SLC38A10: variants seen among roughly 807,000 people sequenced by gnomAD.
The protein encoded by SLC38A10 is solute carrier family 38 member 10.
SLC38A10 carries 53 observed loss-of-function variants against 81.0 expected under a neutral mutation model. The observed-to-expected ratio is 0.65, with a 90% confidence interval of 0.53 to 0.82. The LOEUF is 0.82. Ranked by LOEUF, SLC38A10 falls within the 40% of genes least tolerant of loss-of-function variation. The pLI, the probability that SLC38A10 is intolerant of heterozygous loss-of-function variation, is 0.00. For synonymous variants in SLC38A10, 665 were observed against 655.3 expected, an observed-to-expected ratio of 1.01 and a Z score of -0.23; for missense variants, 1,471 against 1,545.0, an observed-to-expected ratio of 0.95 and a Z score of 0.80.
chr17:81,261,622 CA>C (rs1452720551), intron 10 of SLC38A10, among the ~76,000 whole-genome samples: 1 of 152,264 alleles, frequency 6.6e-6, no homozygotes, highest in Non-Finnish European at 1.5e-5. Flanking sequence ...CTGAAAAAGA[CA>C]ACCTAGTGGA....
Position 81,246,806 on chromosome 17 carries a change from G to C in SLC38A10, c.2242+79C>G, listed in dbSNP as rs545572967. 188 of 1,512,318 alleles carry C rather than the reference G, an allele frequency of 1.2e-4. 2 individuals carry two copies. In the South Asian group the frequency reaches 1.9e-3, roughly 15 times the overall value. 93.7% of individuals were successfully genotyped at this position (1,512,318 alleles called of 1,614,324 possible). ...CACGCTCAGGTCTAGAGGCCACCGAGCCTCAGACCCAGCCGCATGAGGACA... is the reference window on the plus strand; with the variant it reads ...CACGCTCAGGTCTAGAGGCCACCGACCCTCAGACCCAGCCGCATGAGGACA... On this transcript the variant is annotated intron_variant, in intron 15 of 15. Coordinates refer to ENST00000374759, the MANE Select transcript of SLC38A10 (RefSeq NM_001037984.3).
At chr17:81,272,684 T>C in intron 8 of SLC38A10, 57 bp from the exon 9 acceptor site, 1 of 1,304,790 alleles carries the variant, frequency 7.7e-7, no homozygotes, top group South Asian at 1.5e-5. Context: ...ACCACTCTCC[T>C]AGAAAGCAAA....
Position 81,276,803 on chromosome 17 carries a change from G to C in SLC38A10, c.729+228C>G, listed in dbSNP as rs1319931397. Among the ~76,000 whole-genome samples the C allele has an allele frequency of 6.6e-6, 1 of 152,260 alleles. No homozygotes were observed. Among genetic ancestry groups the C allele is most frequent in the African/African-American group, 2.4e-5 (1 of 41,474 alleles). On this transcript the variant is annotated intron_variant, in intron 7 of 15. Transcript: ENST00000374759. This position sits in a 1 kb window ranked among gnomAD's most constrained non-coding sequence, Gnocchi z 4.7. Reference sequence around the variant, plus strand: ...GTGCCCAGCTCCTCAGGTCAGGAGAGCTTCCTGGCCCAGGGTGGACCCAGG... The same window carrying C: ...GTGCCCAGCTCCTCAGGTCAGGAGACCTTCCTGGCCCAGGGTGGACCCAGG...
rs2063219341 is a variant in SLC38A10 at position 81,282,225 on chromosome 17, G to A, written c.465C>T (p.Ala155=). The change falls in exon 5 of 16, where the codon GCC becomes GCT. Residue 155 remains alanine (A), a synonymous_variant. Transcript: ENST00000374759. ...NMMASIQSFS[A]MALLFYTVFM... ...ACACGGTGTAGAAGAGGAGGGCCAT[G>A]GCGCTGAAGGACTGGATGGAGGCCA... 1.9e-6 allele frequency: 3 copies of A among 1,613,752 alleles called. No individual in the cohort carries two copies. The highest frequency in any genetic ancestry group is 1.6e-4 in the Middle Eastern group (1 of 6,062).
At position 81,271,042 on chromosome 17, in the gene SLC38A10, C is replaced by T. The variant is rs1276904210; in HGVS notation, c.1025-18G>A. ...GGTCTCCACTAGGATGGAGAAGTGA[C>T]AGGAAGGGATGAGTGGGGAAGGGCT... is the stretch of plus-strand genomic sequence containing the variant. On this transcript the variant is annotated intron_variant, in intron 9 of 15. Coordinates refer to ENST00000374759, the MANE Select transcript of SLC38A10 (RefSeq NM_001037984.3). The T allele has an allele frequency of 1.9e-6, 3 of 1,601,254 alleles. No individual in the cohort carries two copies. The highest frequency in any genetic ancestry group is 1.7e-6 in the Non-Finnish European group (2 of 1,172,220).
chr17:81,248,303 G>A (rs2062873464), intron 14 of SLC38A10, among the ~76,000 whole-genome samples: 2 of 152,158 alleles, frequency 1.3e-5, no homozygotes, highest in Admixed American at 1.3e-4. Context: ...CGTCAGTGAG[G>A]CCCCCGCCAG....
intron 6 of SLC38A10, among the ~76,000 whole-genome samples, chr17:81,279,151 C>G (rs926509801): frequency 6.6e-6 from 1 of 152,212 alleles, no homozygotes; most frequent in South Asian, 2.1e-4. Context: ...TGCCCCTCTG[C>G]CCTACTGTGA....
chr17:81,282,228 G>A lies in SLC38A10; in HGVS notation c.462C>T (p.Ser154=), dbSNP rs1396884648. 9.9e-6 allele frequency: 16 copies of A among 1,613,608 alleles called. No individual in the cohort carries two copies. Among genetic ancestry groups the A allele is most frequent in the Admixed American group, 6.7e-5 (4 of 60,008 alleles). ...CGGTGTAGAAGAGGAGGGCCATGGCGCTGAAGGACTGGATGGAGGCCATCA... is the reference window on the plus strand; with the variant it reads ...CGGTGTAGAAGAGGAGGGCCATGGCACTGAAGGACTGGATGGAGGCCATCA... The part of the protein sequence containing the change: ...RNMMASIQSF[S]AMALLFYTVF... Residue 154 remains serine (S), a synonymous_variant, in exon 5 of 16, where the codon AGC becomes AGT. Coordinates refer to ENST00000374759, the MANE Select transcript of SLC38A10 (RefSeq NM_001037984.3).
In SLC38A10 at chr17:81,260,345, G is replaced by A; in HGVS notation, c.1181C>T (p.Thr394Ile). 6.2e-7 allele frequency: 1 copy of A among 1,610,906 alleles called. No individual in the cohort carries two copies. The highest frequency in any genetic ancestry group is 8.5e-7 in the Non-Finnish European group (1 of 1,179,188). Residue 394 changes from threonine (T) to isoleucine (I), a missense_variant, in exon 11 of 16, where the codon ACA (threonine) becomes ATA (isoleucine). Transcript: ENST00000374759. ...GGGGACCTCCTCGCTCACAGACAGT[G>A]TGGTGACAGTGCTCACCACCAGGAC... is the stretch of plus-strand genomic sequence containing the variant. ...LGVLVVSTVT[T>I]LSVSEEVPED...
Position 81,245,818 on chromosome 17 carries a change from T to G in SLC38A10, c.3098A>C (p.Asp1033Ala). 1 of 1,610,394 alleles carries G rather than the reference T, an allele frequency of 6.2e-7. No homozygotes were observed. Among genetic ancestry groups the G allele is most frequent in the Non-Finnish European group, 8.5e-7 (1 of 1,178,238 alleles). Residue 1033 changes from aspartate to alanine, a missense_variant, in exon 16 of 16, where the codon GAC becomes GCC. Physicochemically the swap from Asp to Ala is moderately radical, Grantham distance 126. Around this residue, in one of 2 missense-constraint regions of SLC38A10, gnomAD observed 751 missense variants for 717.4 expected, o/e 1.05. Coordinates refer to ENST00000374759, the MANE Select transcript of SLC38A10 (RefSeq NM_001037984.3). ...CAGGTCCCGGTTGGGCTTGGCATTG[T>G]CCGGCCTCTGGCCCCCCGGGACAGC... ...KRAVPGGQRP[D>A]NAKPNRDLKL...
In SLC38A10 at chr17:81,246,259, G is replaced by A. The variant is rs2062849726; in HGVS notation, c.2657C>T (p.Thr886Ile). 6.2e-7 allele frequency: 1 copy of A among 1,612,542 alleles called. No individual in the cohort carries two copies. The highest frequency in any genetic ancestry group is 8.5e-7 in the Non-Finnish European group (1 of 1,179,934). The change falls in exon 16 of 16, where the codon ACT (threonine) becomes ATT (isoleucine). Residue 886 changes from threonine (T) to isoleucine (I), a missense_variant. Physicochemically the swap from Thr to Ile is moderately conservative, Grantham distance 89. This residue lies in a region of SLC38A10 where 751 missense variants were observed against 717.4 expected (regional missense o/e 1.05). Coordinates refer to ENST00000374759, the MANE Select transcript of SLC38A10 (RefSeq NM_001037984.3). The stretch of plus-strand genomic sequence containing the variant: ...TTTTTTCCTGTCTTGGGAACCGCCA[G>A]TAACGTCCTGACTTTGCCCAGGGAA... ...EEFPGQSQDV[T>I]GGSQDRKKPG...
At chr17:81,248,015 T>C (rs1394124031) in intron 14 of SLC38A10, among the ~76,000 whole-genome samples, 2 of 130,290 alleles carry the variant, frequency 1.5e-5, no homozygotes, top group African/African-American at 5.8e-5. Flanking sequence ...TGGAGTGCAG[T>C]GGCGCGATCT....
At chr17:81,248,003 G>T (rs1227408308) in intron 14 of SLC38A10, among the ~76,000 whole-genome samples, 2 of 131,812 alleles carry the variant, frequency 1.5e-5, no homozygotes, top group East Asian at 2.2e-4. Flanking sequence ...TGTCACCCAG[G>T]CTGGAGTGCA....
intron 8 of SLC38A10, among the ~76,000 whole-genome samples, chr17:81,272,834 C>T (rs1421164753): frequency 6.6e-6 from 1 of 152,190 alleles, no homozygotes; most frequent in Non-Finnish European, 1.5e-5. Flanking sequence ...GCCAGGAAGG[C>T]ACGAGGGCTT....
rs1480722820 is a variant in SLC38A10 at position 81,253,020 on chromosome 17, G to A, written c.1456+53C>T. On this transcript the variant is annotated intron_variant, in intron 12 of 15. Coordinates refer to ENST00000374759, the MANE Select transcript of SLC38A10 (RefSeq NM_001037984.3). This position sits in a 1 kb window ranked among gnomAD's most constrained non-coding sequence, Gnocchi z 4.1. ...CCCCGCAGGGTGTCCAGCCTGCAAA[G>A]GAGGACCCGGGGCCGCCCTTCCCCA... is the stretch of plus-strand genomic sequence containing the variant. 1 of 1,593,100 alleles carries A rather than the reference G, an allele frequency of 6.3e-7. No homozygotes were observed. Among genetic ancestry groups the A allele is most frequent in the Non-Finnish European group, 8.5e-7 (1 of 1,170,884 alleles).
Position 81,288,393 on chromosome 17 carries a change from C to CTTCA in SLC38A10, c.217+1294_217+1297dup, listed in dbSNP as rs1358515406. Among the ~76,000 whole-genome samples the CTTCA allele has an allele frequency of 6.6e-6, 1 of 152,184 alleles. No individual in the cohort carries two copies. Among genetic ancestry groups the CTTCA allele is most frequent in the Admixed American group, 6.5e-5 (1 of 15,284 alleles). ...GCACACTGGCTGGAAGGTCCAGAGCCTTCATCACAAGGCCAGAGTTTTCAC... is the reference window on the plus strand; with the variant it reads ...GCACACTGGCTGGAAGGTCCAGAGCCTTCATTCATCACAAGGCCAGAGTTTTCAC... On this transcript the variant is annotated intron_variant, in intron 2 of 15. Transcript: ENST00000374759. This position sits in a 1 kb window ranked among gnomAD's most constrained non-coding sequence, Gnocchi z 5.4.
intron 5 of SLC38A10, 75 bp from the exon 6 acceptor site, chr17:81,280,808 G>A (rs1247249217): frequency 1.8e-5 from 28 of 1,526,012 alleles, no homozygotes; most frequent in East Asian, 7.0e-5. Flanking sequence ...CCCACGCGCC[G>A]CTAGGAAGGA....
Position 81,280,781 on chromosome 17 carries a change from G to A in SLC38A10, c.502-48C>T, listed in dbSNP as rs374111827. On this transcript the variant is annotated intron_variant, in intron 5 of 15. Coordinates refer to ENST00000374759, the MANE Select transcript of SLC38A10 (RefSeq NM_001037984.3). Reference sequence around the variant, plus strand: ...GCACGGGGCAGGTCAGGACGCAGGCGGGACTCAGCATCCCGGCCCACGCGC... The same window carrying A: ...GCACGGGGCAGGTCAGGACGCAGGCAGGACTCAGCATCCCGGCCCACGCGC... 4.9e-5 allele frequency: 77 copies of A among 1,565,504 alleles called. 1 individual carries two copies. The highest frequency in any genetic ancestry group is 6.9e-5 in the East Asian group (3 of 43,782).
In SLC38A10 at chr17:81,283,472, G is replaced by C; in HGVS notation, c.294C>G (p.Ile98Met). ...SMIGLMLGTC[I>M]AFYVVIGDLG... ...AGTCGCCGATCACGACGTAGAAGGC[G>C]ATGCAGGTGCCCAGCATCAGCCCGA... The change falls in exon 4 of 16, where the codon ATC becomes ATG. Residue 98 changes from isoleucine to methionine, a missense_variant. This residue lies in a region of SLC38A10 where 720 missense variants were observed against 827.7 expected (regional missense o/e 0.87). Transcript: ENST00000374759. The surrounding 1 kb of genome is among the most constrained non-coding windows in gnomAD (Gnocchi z 4.7). 1.2e-6 allele frequency: 2 copies of C among 1,612,062 alleles called. No individual in the cohort carries two copies. The highest frequency in any genetic ancestry group is 1.7e-6 in the Non-Finnish European group (2 of 1,179,166).
Sources: allele counts gnomAD v4.1 joint callset (sites outside exome capture counted in the v4.1 genomes callset), GRCh38; gene constraint gnomAD v4.1.1; regional missense constraint gnomAD v4.1.1; non-coding constraint Gnocchi (gnomAD v3.1); transcripts MANE v1.5; gene names NCBI Gene and HGNC (gene_info 2026-07-23, HGNC 2026-07-21).